FGF5: variants seen among roughly 807,000 people sequenced by gnomAD.
The protein encoded by FGF5 is fibroblast growth factor 5, also known as heparin-binding growth factor 5.
FGF5 carries 23 observed loss-of-function variants against 21.8 expected under a neutral mutation model. The ratio of observed to expected loss-of-function variants is 1.05; its 90% confidence interval spans 0.76 to 1.49. The LOEUF (loss-of-function observed/expected upper bound fraction) is 1.49. FGF5 is among the 40% of genes most tolerant of loss of function. The pLI, the probability that FGF5 is intolerant of heterozygous loss-of-function variation, is 0.00. For missense variants in FGF5, 352 were observed against 332.9 expected, an observed-to-expected ratio of 1.06 and a Z score of -0.45; for synonymous variants, 158 against 124.0, an observed-to-expected ratio of 1.27 and a Z score of -1.82.
chr4:80,280,741 A>G (rs924109868), intron 2 of FGF5, among the ~76,000 whole-genome samples: 3 of 152,114 alleles, frequency 2.0e-5, no homozygotes, highest in African/African-American at 7.2e-5. Flanking sequence ...AGCTATATGG[A>G]GTTATTAAGG....
chr4:80,273,597 C>T (rs985382923), intron 1 of FGF5, among the ~76,000 whole-genome samples: 65 of 152,084 alleles, frequency 4.3e-4, no homozygotes, highest in Admixed American at 1.0e-3. Context: ...TTGGCAGAGT[C>T]CTATTGAGAT....
chr4:80,267,961 C>A (rs1452442761), intron 1 of FGF5, among the ~76,000 whole-genome samples: 2 of 152,192 alleles, frequency 1.3e-5, no homozygotes, highest in Admixed American at 6.5e-5. Flanking sequence ...AGTGGCCAGC[C>A]TTTGGTCCCC....
At chr4:80,272,411 T>C (rs1210024889) in intron 1 of FGF5, among the ~76,000 whole-genome samples, 1 of 152,166 alleles carries the variant, frequency 6.6e-6, no homozygotes, top group African/African-American at 2.4e-5. Context: ...GTACATAATA[T>C]ATACACAGAG....
In FGF5 at chr4:80,286,755, T is replaced by C. The variant is rs1377084686; in HGVS notation, c.*83T>C. On this transcript the variant is annotated 3_prime_UTR_variant, in exon 3 of 3. Coordinates refer to ENST00000312465, the MANE Select transcript of FGF5 (RefSeq NM_004464.4). Reference sequence around the variant, plus strand: ...CTTCAGAGTTCTGAAGAAAAATTACTGGACACAGCTTCAGCTATACTTACA... The same window carrying C: ...CTTCAGAGTTCTGAAGAAAAATTACCGGACACAGCTTCAGCTATACTTACA... 5 of 985,620 alleles carry C rather than the reference T, an allele frequency of 5.1e-6. No homozygotes were observed. Among genetic ancestry groups the C allele is most frequent in the East Asian group, 5.1e-5 (2 of 39,538 alleles). 61.1% of individuals were successfully genotyped at this position (985,620 alleles called of 1,614,324 possible). A position where few individuals can be genotyped will look rare whatever the true frequency, so the allele number is the denominator to read the frequency against.
At position 80,286,686 on chromosome 4, in the gene FGF5, C is replaced by T; in HGVS notation, c.*14C>T. On this transcript the variant is annotated 3_prime_UTR_variant, in exon 3 of 3. Transcript: ENST00000312465. ...CGCTTTGGATAATATTCCTCTTGGC[C>T]TTGTGAGAAACCATTCTTTCCCCTC... 1 of 1,599,418 alleles carries T rather than the reference C, an allele frequency of 6.3e-7. No homozygotes were observed. The highest frequency in any genetic ancestry group is 8.6e-7 in the Non-Finnish European group (1 of 1,168,658).
chr4:80,270,175 C>T (rs1720228704), intron 1 of FGF5, among the ~76,000 whole-genome samples: 1 of 152,194 alleles, frequency 6.6e-6, no homozygotes, highest in Non-Finnish European at 1.5e-5. Flanking sequence ...TCTTCTATTT[C>T]TACTGTATGT....
chr4:80,274,513 T>C (rs1214194527), intron 1 of FGF5, among the ~76,000 whole-genome samples: 1 of 152,082 alleles, frequency 6.6e-6, no homozygotes, highest in Non-Finnish European at 1.5e-5. Flanking sequence ...GAGCACAGAT[T>C]TGTGCTTTAA....
intron 1 of FGF5, chr4:80,268,523 T>G (rs1484334328): frequency 1.0e-6 from 1 of 986,018 alleles, no homozygotes; most frequent in Non-Finnish European, 1.2e-6. Context: ...GTCTGAAGAT[T>G]TGGCAGCCAG....
rs1052095820 is a variant in FGF5 at position 80,268,603 on chromosome 4, G to A, written c.355+1424G>A. The A allele has an allele frequency of 8.6e-6, 7 of 813,312 alleles. No individual in the cohort carries two copies. In the African/African-American group the frequency reaches 1.3e-4, roughly 15 times the overall value. 50.4% of individuals were successfully genotyped at this position (813,312 alleles called of 1,614,324 possible). On this transcript the variant is annotated intron_variant, in intron 1 of 2. Transcript: ENST00000312465. ...TAGGCTGGCTAGCCTCCTCCGGTGG[G>A]TTAAGGGGGCCTAATGCGGAAGACC...
Position 80,286,415 on chromosome 4 carries a change from A to G in FGF5, c.550A>G (p.Thr184Ala), listed in dbSNP as rs776917011. Reference protein sequence around the residue: ...YASAIHRTEKTGREWYVALNK... With the variant: ...YASAIHRTEKAGREWYVALNK... ...CTCAGCAATACATAGAACTGAAAAAACAGGGCGGGAGTGGTATGTGGCCCT... is the reference window on the plus strand; with the variant it reads ...CTCAGCAATACATAGAACTGAAAAAGCAGGGCGGGAGTGGTATGTGGCCCT... The change falls in exon 3 of 3, where the codon ACA becomes GCA. Residue 184 changes from threonine (T) to alanine (A), a missense_variant. Thr to Ala is a moderately conservative substitution (Grantham distance 58). Coordinates refer to ENST00000312465, the MANE Select transcript of FGF5 (RefSeq NM_004464.4). 25 of 1,613,994 alleles carry G rather than the reference A, an allele frequency of 1.5e-5. No individual in the cohort carries two copies. The highest frequency in any genetic ancestry group is 1.9e-5 in the Non-Finnish European group (23 of 1,179,968).
At chr4:80,272,043 A>G (rs1162275965) in intron 1 of FGF5, among the ~76,000 whole-genome samples, 1 of 152,192 alleles carries the variant, frequency 6.6e-6, no homozygotes, top group African/African-American at 2.4e-5. Context: ...CACTGCTGAC[A>G]TTACTTTGGA....
chr4:80,270,821 T>G (rs1026699567), intron 1 of FGF5, among the ~76,000 whole-genome samples: 153 of 152,298 alleles, frequency 1.0e-3, no homozygotes, highest in African/African-American at 3.5e-3. Flanking sequence ...GTTAATAGAA[T>G]CGTCGATGTT....
chr4:80,276,998 T>C (rs1304600813), intron 2 of FGF5, among the ~76,000 whole-genome samples: 2 of 151,962 alleles, frequency 1.3e-5, no homozygotes, highest in African/African-American at 4.8e-5. Flanking sequence ...GCAAAAAAAA[T>C]AGACTAAACT....
intron 2 of FGF5, among the ~76,000 whole-genome samples, chr4:80,283,280 A>C (rs1720608903): frequency 7.4e-6 from 1 of 134,518 alleles, no homozygotes; most frequent in Non-Finnish European, 1.7e-5. Context: ...AACTCTACAC[A>C]CTTCTACCCT....
chr4:80,281,617 AT>A (rs1386421452), intron 2 of FGF5, among the ~76,000 whole-genome samples: 2 of 152,124 alleles, frequency 1.3e-5, no homozygotes, highest in Non-Finnish European at 2.9e-5. Flanking sequence ...TATCCTACAT[AT>A]TTAGTTCTGT....
intron 1 of FGF5, among the ~76,000 whole-genome samples, chr4:80,269,300 A>T (rs1720202590): frequency 6.6e-6 from 1 of 152,212 alleles, no homozygotes; most frequent in Non-Finnish European, 1.5e-5. Flanking sequence ...GGGAGCTCAG[A>T]GAATGCTTCT....
intron 2 of FGF5, among the ~76,000 whole-genome samples, chr4:80,276,584 T>A (rs1720417805): frequency 6.6e-6 from 1 of 151,894 alleles, no homozygotes; most frequent in Admixed American, 6.6e-5. Flanking sequence ...GAGATTTAGG[T>A]GCACCTATCA....
At chr4:80,279,869 C>G (rs1474570547) in intron 2 of FGF5, among the ~76,000 whole-genome samples, 2 of 152,174 alleles carry the variant, frequency 1.3e-5, no homozygotes, top group Admixed American at 1.3e-4. Context: ...AAGCTAATTG[C>G]AGACTTTATG....
rs138396845 is a variant in FGF5, at chr4:80,266,907, C to T, written c.83C>T (p.Pro28Leu). 3.2e-5 allele frequency: 51 copies of T among 1,613,906 alleles called. No homozygotes were observed. The African/African-American group carries it at 6.0e-4, about 19-fold the overall frequency. The change falls in exon 1 of 3, where the codon CCC becomes CTC. Residue 28 changes from proline to leucine, a missense_variant. Transcript: ENST00000312465. ...AWAHGEKRLA[P>L]KGQPGPAATD... ...GCTCACGGGGAGAAGCGTCTCGCCC[C>T]CAAAGGGCAACCCGGACCCGCTGCC...
Sources: gnomAD v4.1 joint callset for allele counts (sites outside exome capture counted in the v4.1 genomes callset) on GRCh38, gnomAD v4.1.1 for gene constraint, MANE v1.5 for transcripts, NCBI Gene and HGNC (gene_info 2026-07-23, HGNC 2026-07-21) for gene names.